The following CYRIB variants were observed in gnomAD, a reference collection of about 807,000 sequenced individuals.
CYRIB encodes CYFIP related Rac1 interactor B.
CYRIB carries 8 observed loss-of-function variants against 44.2 expected under a neutral mutation model. The observed-to-expected ratio is 0.18, with a 90% CI of 0.11 to 0.33. The LOEUF (loss-of-function observed/expected upper bound fraction) is 0.33. CYRIB is among the 10% of genes least tolerant of loss of function. The pLI is 1.00. For missense variants in CYRIB, 185 were observed against 382.8 expected, an observed-to-expected ratio of 0.48 and a Z score of 4.31; for synonymous variants, 131 against 127.2, an observed-to-expected ratio of 1.03 and a Z score of -0.20.
intron 1 of CYRIB, among the ~76,000 whole-genome samples, chr8:129,991,482 G>T (rs1490138762): frequency 6.6e-6 from 1 of 152,070 alleles, no homozygotes; most frequent in African/African-American, 2.4e-5. Context: ...AGGACAACTG[G>T]TGGCTGTATA....
At chr8:129,933,441 T>C (rs2092098634) in intron 1 of CYRIB, among the ~76,000 whole-genome samples, 1 of 152,162 alleles carries the variant, frequency 6.6e-6, no homozygotes, top group Non-Finnish European at 1.5e-5. Flanking sequence ...TTCTATCTAG[T>C]CCTGTCAGGC....
At chr8:129,930,386 T>TATATA (rs1338007307) in intron 1 of CYRIB, among the ~76,000 whole-genome samples, 90 of 130,714 alleles carry the variant, frequency 6.9e-4, no homozygotes, top group Non-Finnish European at 1.2e-3. Context: ...TATATTTTAA[T>TATATA]TATTTAAATC....
At chr8:129,934,237 T>G (rs1003679884) in intron 1 of CYRIB, among the ~76,000 whole-genome samples, 4 of 152,124 alleles carry the variant, frequency 2.6e-5, no homozygotes, top group Admixed American at 2.6e-4. Context: ...GCCTAACTCA[T>G]GGAGGCCTCA....
chr8:129,913,559 T>C (rs1389624657), intron 1 of CYRIB, among the ~76,000 whole-genome samples: 2 of 152,120 alleles, frequency 1.3e-5, no homozygotes, highest in African/African-American at 4.8e-5. Context: ...AGGAGAAAAA[T>C]ATTTAATTTT....
chr8:129,871,561 TCTAAG>T, intron 3 of CYRIB, 65 bp from the exon 6 acceptor site: 1 of 1,534,830 alleles, frequency 6.5e-7, no homozygotes, highest in East Asian at 2.3e-5. Context: ...CATGTGTAAC[TCTAAG>T]CAATTAACAA....
intron 1 of CYRIB, among the ~76,000 whole-genome samples, chr8:130,001,704 T>C (rs1039422958): frequency 5.3e-5 from 8 of 151,820 alleles, no homozygotes; most frequent in Non-Finnish European, 1.0e-4. Flanking sequence ...TTTTTTAAAC[T>C]CCTGACCTCA....
At chr8:129,906,517 A>G (rs1197682508) in intron 1 of CYRIB, among the ~76,000 whole-genome samples, 1 of 152,238 alleles carries the variant, frequency 6.6e-6, no homozygotes, top group African/African-American at 2.4e-5. Flanking sequence ...AAACCTACGC[A>G]ATACCATTCA....
chr8:129,845,218 C>T (rs1338962384), intron 11 of CYRIB, among the ~76,000 whole-genome samples: 1 of 152,182 alleles, frequency 6.6e-6, no homozygotes, highest in African/African-American at 2.4e-5. Context: ...TACCTTCAAG[C>T]TCAAGAAAGA....
Position 129,933,597 on chromosome 8 carries a change from C to T in CYRIB, c.-50+6011G>A, listed in dbSNP as rs940116440. 5.3e-5 allele frequency among the ~76,000 whole-genome samples: 8 copies of T among 152,036 alleles called. No individual in the cohort carries two copies. In the East Asian group the frequency reaches 5.8e-4, roughly 11 times the overall value. ...TAATGTATAGTAAGAACTGATAAGC[C>T]GGGTGCGGTGGCTCGCGCACCTGTG... On this transcript the variant is annotated intron_variant, in intron 1 of 11. Transcript: ENST00000519824.
intron 2 of CYRIB, chr8:129,896,817 T>G (rs1245636819): frequency 6.6e-6 from 1 of 152,054 alleles, no homozygotes; most frequent in East Asian, 1.9e-4. Context: ...TCCTCGGAGA[T>G]TTCACAGGAA....
chr8:129,888,498 C>T (rs933830518), intron 2 of CYRIB, among the ~76,000 whole-genome samples: 3 of 152,178 alleles, frequency 2.0e-5, no homozygotes, highest in African/African-American at 4.8e-5. Context: ...TGCACACATG[C>T]GCATCTAACC....
intron 1 of CYRIB, among the ~76,000 whole-genome samples, chr8:129,999,451 C>A (rs538126086): frequency 6.6e-6 from 1 of 152,230 alleles, no homozygotes; most frequent in African/African-American, 2.4e-5. Context: ...GGCCCACGTG[C>A]GCCACGCACC....
At chr8:129,970,000 T>C (rs756635824) in intron 2 of CYRIB, among the ~76,000 whole-genome samples, 64 of 152,296 alleles carry the variant, frequency 4.2e-4, no homozygotes, top group Non-Finnish European at 8.1e-4. Context: ...TTGACAGACG[T>C]CAGAATAGTG....
intron 4 of CYRIB, among the ~76,000 whole-genome samples, chr8:129,865,737 G>T (rs1410822381): frequency 1.3e-5 from 2 of 152,124 alleles, no homozygotes; most frequent in Non-Finnish European, 2.9e-5. Flanking sequence ...TAGTCAGTAA[G>T]GCTATTTACA....
At chr8:129,960,770 T>C (rs1161224871) in intron 2 of CYRIB, among the ~76,000 whole-genome samples, 2 of 145,680 alleles carry the variant, frequency 1.4e-5, no homozygotes, top group Non-Finnish European at 3.0e-5. Flanking sequence ...ACCAACATGG[T>C]GAAACCCCCA....
intron 1 of CYRIB, among the ~76,000 whole-genome samples, chr8:130,012,903 C>A (rs1319623435): frequency 6.6e-6 from 1 of 152,190 alleles, no homozygotes; most frequent in East Asian, 1.9e-4. Flanking sequence ...AGCAAAAGGA[C>A]CTGATCCATC....
At chr8:130,008,102 G>A (rs530143085) in intron 1 of CYRIB, among the ~76,000 whole-genome samples, 19 of 151,416 alleles carry the variant, frequency 1.3e-4, no homozygotes, top group Non-Finnish European at 2.4e-4. Flanking sequence ...CCAGCTACTC[G>A]GGAGGCTGAG....
At chr8:130,003,778 TG>T (rs1180891547) in intron 1 of CYRIB, among the ~76,000 whole-genome samples, 1 of 152,130 alleles carries the variant, frequency 6.6e-6, no homozygotes, top group Non-Finnish European at 1.5e-5. Context: ...TGGGGGACAG[TG>T]GGGGACGTTC....
chr8:129,869,230 A>T (rs745805492), intron 4 of CYRIB, among the ~76,000 whole-genome samples: 4 of 151,718 alleles, frequency 2.6e-5, no homozygotes, highest in African/African-American at 4.8e-5. Context: ...TACTAAAAAT[A>T]CAAAAATTAG....
Sources: gnomAD v4.1 joint callset for allele counts (sites outside exome capture counted in the v4.1 genomes callset) on GRCh38, gnomAD v4.1.1 for gene constraint, MANE v1.5 for transcripts, NCBI Gene and HGNC (gene_info 2026-07-23, HGNC 2026-07-21) for gene names.